PLXNC1: variants seen among roughly 807,000 people sequenced by gnomAD.
PLXNC1 encodes the protein plexin-C1.
PLXNC1 carries 75 observed loss-of-function variants against 178.2 expected under a neutral mutation model. The observed-to-expected ratio is 0.42, with a 90% CI of 0.35 to 0.51. The LOEUF (loss-of-function observed/expected upper bound fraction) is 0.51. PLXNC1 is among the 20% of genes least tolerant of loss of function. The pLI is 0.02. For synonymous variants in PLXNC1, 790 were observed against 779.9 expected (o/e 1.01, Z -0.22); for missense variants, 1,503 against 1,984.4 (o/e 0.76, Z 4.61).
At chr12:94,282,515 G>T in intron 23 of PLXNC1, 114 bp downstream of exon 23, 1 of 714,604 alleles carries the variant, frequency 1.4e-6, no homozygotes, top group Non-Finnish European at 2.4e-6. Flanking sequence ...CTTGCAGATC[G>T]ATCGTGTCTG....
At chr12:94,196,171 T>C (rs1188690980) in intron 4 of PLXNC1, among the ~76,000 whole-genome samples, 1 of 152,168 alleles carries the variant, frequency 6.6e-6, no homozygotes, top group East Asian at 1.9e-4. Flanking sequence ...AGAGGTGAGC[T>C]ACATACAGCA....
chr12:94,240,730 T>C (rs1048229178), intron 11 of PLXNC1, 66 bp downstream of exon 11: 14 of 1,234,388 alleles, frequency 1.1e-5, no homozygotes, highest in African/African-American at 1.5e-5. Flanking sequence ...AGATCATTGA[T>C]TTTATTCAAG....
chr12:94,175,230 A>T (rs1962006747), intron 2 of PLXNC1, among the ~76,000 whole-genome samples: 1 of 152,124 alleles, frequency 6.6e-6, no homozygotes, highest in Non-Finnish European at 1.5e-5. Context: ...ATTTCTCAGA[A>T]ACTGCTTATG....
intron 11 of PLXNC1, among the ~76,000 whole-genome samples, chr12:94,243,396 G>T (rs1964444260): frequency 6.6e-6 from 1 of 152,236 alleles, no homozygotes. Flanking sequence ...TGGTTTTAGA[G>T]AGATGGAATG....
chr12:94,206,934 T>C (rs1176380422), intron 4 of PLXNC1, among the ~76,000 whole-genome samples: 1 of 152,234 alleles, frequency 6.6e-6, no homozygotes, highest in Non-Finnish European at 1.5e-5. Context: ...CCGTTGCTCT[T>C]GTTGATACGC....
chr12:94,157,662 T>G (rs1961224762), intron 1 of PLXNC1, among the ~76,000 whole-genome samples: 1 of 152,218 alleles, frequency 6.6e-6, no homozygotes, highest in Non-Finnish European at 1.5e-5. Context: ...ACATAGTGCT[T>G]TCCTTAGAGA....
chr12:94,176,840 G>T (rs985870290), intron 2 of PLXNC1, among the ~76,000 whole-genome samples: 4 of 151,596 alleles, frequency 2.6e-5, no homozygotes, highest in African/African-American at 9.7e-5. Context: ...ACCTGTATAT[G>T]TAAATATGTC....
intron 1 of PLXNC1, among the ~76,000 whole-genome samples, chr12:94,167,332 C>G (rs1961653264): frequency 6.6e-6 from 1 of 152,142 alleles, no homozygotes; most frequent in South Asian, 2.1e-4. Context: ...ATCTACAGTC[C>G]ACATCCATTA....
At chr12:94,212,056 C>T (rs1048999855) in intron 5 of PLXNC1, among the ~76,000 whole-genome samples, 4 of 151,902 alleles carry the variant, frequency 2.6e-5, no homozygotes, top group African/African-American at 4.8e-5. Flanking sequence ...GGGCGGATCA[C>T]GAGGTCAGGA....
rs534647606 is a variant in PLXNC1, at chr12:94,245,419, G to A, written c.2388+1394G>A. ...GTTGAGGCTGGGTGTGGTGGCTCACGATTATAATCCCAGCACTTTGGGAGG... is the reference window on the plus strand; with the variant it reads ...GTTGAGGCTGGGTGTGGTGGCTCACAATTATAATCCCAGCACTTTGGGAGG... On this transcript the variant is annotated intron_variant, in intron 12 of 30. Transcript: ENST00000258526. Among the ~76,000 whole-genome samples the A allele has an allele frequency of 5.3e-5, 8 of 152,296 alleles. No homozygotes were observed. In the South Asian group the frequency reaches 6.2e-4, roughly 12 times the overall value.
At position 94,226,705 on chromosome 12, in the gene PLXNC1, C is replaced by G. The variant is rs1395392252; in HGVS notation, c.1891C>G (p.Gln631Glu). 14 of 1,605,024 alleles carry G rather than the reference C, an allele frequency of 8.7e-6. No individual in the cohort carries two copies. Among genetic ancestry groups the G allele is most frequent in the Middle Eastern group, 1.6e-4 (1 of 6,062 alleles). Residue 631 changes from glutamine (Q) to glutamate (E), a missense_variant and splice_region_variant, in exon 8 of 31, where the codon CAG becomes GAG. Around this residue, in one of 4 missense-constraint regions of PLXNC1, gnomAD observed 615 missense variants for 698.6 expected, o/e 0.88. Coordinates refer to ENST00000258526, the MANE Select transcript of PLXNC1 (RefSeq NM_005761.3). The part of the protein sequence containing the change: ...ACDPSDYERN[Q>E]EQCPVAVEKT... ...CGACCCTTCTGATTATGAGAGAAACCAGGTAAAGTGACATTTTTGGTATTG... is the reference window on the plus strand; with the variant it reads ...CGACCCTTCTGATTATGAGAGAAACGAGGTAAAGTGACATTTTTGGTATTG...
Position 94,255,183 on chromosome 12 carries a change from T to G in PLXNC1, c.2984-10T>G. The G allele has an allele frequency of 6.2e-7, 1 of 1,603,074 alleles. No individual in the cohort carries two copies. Among genetic ancestry groups the G allele is most frequent in the South Asian group, 1.1e-5 (1 of 90,844 alleles). ...AGTTAAAATATTGCTCTTGGGATTC[T>G]GTTTTGCAGGCTTTGCTGAGCTGCA... On this transcript the variant is annotated splice_polypyrimidine_tract_variant and intron_variant, in intron 16 of 30. Transcript: ENST00000258526.
chr12:94,304,581 C>G (rs1284913727), intron 30 of PLXNC1, among the ~76,000 whole-genome samples: 15 of 151,946 alleles, frequency 9.9e-5, no homozygotes, highest in Non-Finnish European at 5.9e-5. Flanking sequence ...ATGTTAACTC[C>G]CCCTTCCCTG....
At chr12:94,258,023 C>CA (rs199547151) in intron 17 of PLXNC1, among the ~76,000 whole-genome samples, 9,941 of 147,128 alleles carry the variant, frequency 0.068, 740 homozygotes, top group African/African-American at 0.19. Context: ...GATTCCGTCT[C>CA]AAAAAAAAAT....
intron 14 of PLXNC1, among the ~76,000 whole-genome samples, chr12:94,251,215 A>G (rs182666084): frequency 3.3e-4 from 50 of 152,342 alleles, no homozygotes; most frequent in Non-Finnish European, 6.0e-4. Context: ...GCATGTGTCA[A>G]CTGACATTTC....
chr12:94,186,192 G>A (rs1007525472), intron 3 of PLXNC1, 181 bp from the exon 4 acceptor site: 14 of 565,980 alleles, frequency 2.5e-5, no homozygotes, highest in South Asian at 2.2e-4. Flanking sequence ...AAGCTCCCCA[G>A]GTGATTGTGA....
intron 6 of PLXNC1, among the ~76,000 whole-genome samples, chr12:94,223,167 A>G (rs1963841506): frequency 6.6e-6 from 1 of 152,182 alleles, no homozygotes; most frequent in Non-Finnish European, 1.5e-5. Context: ...TAATCCCAGC[A>G]CTTTGGGAGG....
intron 2 of PLXNC1, among the ~76,000 whole-genome samples, chr12:94,175,859 A>G (rs1565793380): frequency 6.6e-6 from 1 of 152,260 alleles, no homozygotes; most frequent in East Asian, 1.9e-4. Flanking sequence ...TAAATGGATT[A>G]ATCAGCGATA....
intron 4 of PLXNC1, 92 bp downstream of exon 4, chr12:94,186,565 G>A: frequency 1.3e-6 from 1 of 765,896 alleles, no homozygotes; most frequent in East Asian, 2.7e-5. Context: ...ATCCATTCCA[G>A]TGACCTGAGG....
Sources: allele counts gnomAD v4.1 joint callset (sites outside exome capture counted in the v4.1 genomes callset), GRCh38; gene constraint gnomAD v4.1.1; regional missense constraint gnomAD v4.1.1; transcripts MANE v1.5; gene names NCBI Gene and HGNC (gene_info 2026-07-23, HGNC 2026-07-21).